MRPS31: variants seen among roughly 807,000 people sequenced by gnomAD.
MRPS31 encodes small ribosomal subunit protein mS31.
Under a neutral mutation model 43.1 loss-of-function variants are expected in MRPS31, and 32 were observed. The ratio of observed to expected loss-of-function variants is 0.74; its 90% CI spans 0.56 to 1.00. MRPS31 has a LOEUF of 1.00. Among genes scored for constraint, MRPS31 ranks in the 50% least tolerant of loss-of-function variants. The probability of loss-of-function intolerance (pLI) is 0.00; values close to 1 mark genes in which losing one functional copy is unlikely to be tolerated. For synonymous variants in MRPS31, 165 were observed against 161.6 expected (o/e 1.02, Z -0.16); for missense variants, 437 against 466.7 (o/e 0.94, Z 0.59).
In MRPS31 at chr13:40,743,946, A is replaced by G. The variant is rs533298291; in HGVS notation, c.958+5192T>C. Among the ~76,000 whole-genome samples, 15 of 152,272 alleles carry G rather than the reference A, an allele frequency of 9.9e-5. No homozygotes were observed. In the East Asian group the frequency reaches 2.7e-3, roughly 27 times the overall value. On this transcript the variant is annotated intron_variant, in intron 6 of 6. Transcript: ENST00000323563. ...TTCACAATAGCAAAGACATGGAATC[A>G]ACCTAGGTGCACATGAATGGTGGAC...
chr13:40,766,913 T>C lies in MRPS31; in HGVS notation c.273A>G (p.Glu91=). The change falls in exon 2 of 7, where the codon GAA becomes GAG. Residue 91 remains glutamate, a synonymous_variant. Coordinates refer to ENST00000323563, the MANE Select transcript of MRPS31 (RefSeq NM_005830.4). ...ACAAGTCTTTTTTCGTATTTTCCTT[T>C]TCACTGTCTTGGCTCTCTGAAGTCT... The part of the protein sequence containing the change: ...SKETSESQDS[E]KENTKKDLLG... The C allele has an allele frequency of 6.2e-7, 1 of 1,614,154 alleles. No homozygotes were observed. Among genetic ancestry groups the C allele is most frequent in the Non-Finnish European group, 8.5e-7 (1 of 1,180,026 alleles).
At chr13:40,744,829 G>T (rs751752265) in intron 6 of MRPS31, among the ~76,000 whole-genome samples, 22 of 152,126 alleles carry the variant, frequency 1.4e-4, no homozygotes, top group Non-Finnish European at 2.6e-4. Flanking sequence ...GGCCAGGCTG[G>T]TCTCAAACTC....
At chr13:40,733,883 TG>T (rs777349983) in intron 6 of MRPS31, among the ~76,000 whole-genome samples, 2 of 142,358 alleles carry the variant, frequency 1.4e-5, no homozygotes, top group Non-Finnish European at 3.0e-5. Flanking sequence ...AACCTGAGCC[TG>T]GGAGGTCAAG....
intron 6 of MRPS31, among the ~76,000 whole-genome samples, chr13:40,735,264 T>C (rs979271092): frequency 2.6e-5 from 4 of 152,214 alleles, no homozygotes; most frequent in Non-Finnish European, 5.9e-5. Context: ...ATCCCGCACC[T>C]GGCTCAGAGG....
chr13:40,748,101 T>C (rs1458297155), intron 6 of MRPS31, among the ~76,000 whole-genome samples: 2 of 152,214 alleles, frequency 1.3e-5, no homozygotes, highest in Non-Finnish European at 2.9e-5. Context: ...AAGACTTATT[T>C]AGGCTTTTCC....
intron 3 of MRPS31, among the ~76,000 whole-genome samples, chr13:40,758,059 C>T (rs1359669086): frequency 1.1e-4 from 17 of 150,784 alleles, no homozygotes; most frequent in South Asian, 6.3e-4. Context: ...AGGAGAATGG[C>T]GTGAACCGGG....
At chr13:40,748,792 A>G (rs773212102) in intron 6 of MRPS31, among the ~76,000 whole-genome samples, 16 of 152,178 alleles carry the variant, frequency 1.1e-4, no homozygotes, top group Non-Finnish European at 1.8e-4. Context: ...TTTAAGTATA[A>G]TCTTATACAC....
At chr13:40,748,404 G>A (rs1212134216) in intron 6 of MRPS31, among the ~76,000 whole-genome samples, 15 of 152,324 alleles carry the variant, frequency 9.8e-5, no homozygotes, top group Middle Eastern at 3.4e-3. Context: ...CGATCCGCCC[G>A]CCTCAGCCTC....
intron 2 of MRPS31, 131 bp downstream of exon 2, chr13:40,766,615 C>T: frequency 1.1e-6 from 1 of 949,300 alleles, no homozygotes; most frequent in Admixed American, 3.0e-5. Context: ...ATTAGAGTCC[C>T]TGTGTTTACA....
chr13:40,738,858 T>C (rs1043890555), intron 6 of MRPS31, among the ~76,000 whole-genome samples: 3 of 152,138 alleles, frequency 2.0e-5, no homozygotes, highest in African/African-American at 4.8e-5. Context: ...ACTGGAAGCA[T>C]TCCCTTTGAA....
At chr13:40,732,940 T>C (rs1409308898) in intron 6 of MRPS31, among the ~76,000 whole-genome samples, 5 of 151,384 alleles carry the variant, frequency 3.3e-5, no homozygotes, top group South Asian at 4.2e-4. Context: ...TCTCAACACT[T>C]TGGGGAAAAA....
chr13:40,746,919 C>A (rs1880253946), intron 6 of MRPS31, among the ~76,000 whole-genome samples: 1 of 152,020 alleles, frequency 6.6e-6, no homozygotes, highest in African/African-American at 2.4e-5. Context: ...TATAATGAGT[C>A]CTATTATTAT....
At position 40,756,933 on chromosome 13, in the gene MRPS31, T is replaced by C; in HGVS notation, c.680A>G (p.Gln227Arg). 1 of 1,613,970 alleles carries C rather than the reference T, an allele frequency of 6.2e-7. No individual in the cohort carries two copies. Among genetic ancestry groups the C allele is most frequent in the Non-Finnish European group, 8.5e-7 (1 of 1,179,942 alleles). ...RVRSRPELRI[Q>R]FDEGYDNYPG... Reference sequence around the variant, plus strand: ...ATAATTGTCATAGCCTTCATCAAACTGAATCCGAAGCTCTGGTCTTGAACG... The same window carrying C: ...ATAATTGTCATAGCCTTCATCAAACCGAATCCGAAGCTCTGGTCTTGAACG... The change falls in exon 4 of 7, where the codon CAG becomes CGG. Residue 227 changes from glutamine to arginine, a missense_variant. Transcript: ENST00000323563.
chr13:40,738,207 T>G (rs922454986), intron 6 of MRPS31, among the ~76,000 whole-genome samples: 2 of 150,994 alleles, frequency 1.3e-5, no homozygotes, highest in Non-Finnish European at 3.0e-5. Context: ...ATAAATTCCT[T>G]GACACATACA....
In MRPS31 at chr13:40,729,206, T is replaced by C. The variant is rs1000063242; in HGVS notation, c.*166A>G. 3 of 478,328 alleles carry C rather than the reference T, an allele frequency of 6.3e-6. No individual in the cohort carries two copies. The highest frequency in any genetic ancestry group is 3.9e-5 in the African/African-American group (2 of 51,222). 29.6% of individuals were successfully genotyped at this position (478,328 alleles called of 1,614,324 possible). On this transcript the variant is annotated 3_prime_UTR_variant, in exon 7 of 7. Coordinates refer to ENST00000323563, the MANE Select transcript of MRPS31 (RefSeq NM_005830.4). ...TATGAATACTGATGATTTTTCTCCA[T>C]GCAAGAATATTTTTCAGTTACCATC...
chr13:40,762,069 T>C (rs1247036841), intron 2 of MRPS31, among the ~76,000 whole-genome samples: 1 of 151,066 alleles, frequency 6.6e-6, no homozygotes, highest in Admixed American at 6.6e-5. Flanking sequence ...TAGTGAAACA[T>C]CGTCTCTACA....
intron 6 of MRPS31, among the ~76,000 whole-genome samples, chr13:40,730,021 C>A (rs187593762): frequency 6.6e-6 from 1 of 152,042 alleles, no homozygotes; most frequent in African/African-American, 2.4e-5. Context: ...TGAGCCACCA[C>A]GCCTGGCCCG....
chr13:40,751,123 G>A (rs1880380317), intron 5 of MRPS31, among the ~76,000 whole-genome samples: 1 of 151,912 alleles, frequency 6.6e-6, no homozygotes, highest in Admixed American at 6.6e-5. Context: ...GCCACACACT[G>A]ACTGCTAGAT....
At chr13:40,759,166 G>T (rs1015074805) in intron 2 of MRPS31, 60 bp from the exon 3 acceptor site, 2 of 1,347,410 alleles carry the variant, frequency 1.5e-6, no homozygotes, top group African/African-American at 1.5e-5. Context: ...GGCCAGGTGC[G>T]GTGGCTCATG....
Sources: allele counts gnomAD v4.1 joint callset (sites outside exome capture counted in the v4.1 genomes callset), GRCh38; gene constraint gnomAD v4.1.1; transcripts MANE v1.5; gene names NCBI Gene and HGNC (gene_info 2026-07-23, HGNC 2026-07-21).